CDH13: variants seen among roughly 807,000 people sequenced by gnomAD.
The protein encoded by CDH13 is cadherin 13, also known as cadherin-13.
A neutral mutation model predicts 63.8 loss-of-function variants in CDH13; 24 were observed. The ratio of observed to expected loss-of-function variants is 0.38; its 90% CI spans 0.27 to 0.53. The LOEUF (loss-of-function observed/expected upper bound fraction) is 0.53. Among genes scored for constraint, CDH13 ranks in the 20% least tolerant of loss-of-function variants. The pLI is 0.85. For missense variants in CDH13, 1,049 were observed against 903.1 expected (o/e 1.16, Z -2.07); for synonymous variants, 503 against 355.3 (o/e 1.42, Z -4.67).
chr16:83,647,385 G>T (rs376222650), intron 8 of CDH13, among the ~76,000 whole-genome samples: 1 of 151,798 alleles, frequency 6.6e-6, no homozygotes, highest in Non-Finnish European at 1.5e-5. Context: ...TGTTGCTCAC[G>T]GGTGACCCCA....
At chr16:82,784,799 A>C (rs182974255) in intron 1 of CDH13, among the ~76,000 whole-genome samples, 31 of 152,330 alleles carry the variant, frequency 2.0e-4, no homozygotes, top group African/African-American at 7.5e-4. Flanking sequence ...GCAGATGCAC[A>C]GCAGGGTGGC....
intron 8 of CDH13, among the ~76,000 whole-genome samples, chr16:83,650,335 C>A (rs970605955): frequency 6.6e-6 from 1 of 152,018 alleles, no homozygotes; most frequent in African/African-American, 2.4e-5. Context: ...TTGGTTTTAC[C>A]CTTGAATGTT....
intron 2 of CDH13, among the ~76,000 whole-genome samples, chr16:83,030,640 T>TAAAAAAAAAAAA (rs35207887): frequency 1.1e-5 from 1 of 92,916 alleles, no homozygotes; most frequent in Non-Finnish European, 2.0e-5. Flanking sequence ...AAGACTCTGT[T>TAAAAAAAAAAAA]AAAAAAAAAA....
chr16:83,526,611 T>C (rs1340769325), intron 7 of CDH13, among the ~76,000 whole-genome samples: 1 of 152,118 alleles, frequency 6.6e-6, no homozygotes, highest in Non-Finnish European at 1.5e-5. Flanking sequence ...GTGGCCCAAT[T>C]CCTAACAGCG....
intron 1 of CDH13, among the ~76,000 whole-genome samples, chr16:82,838,059 C>G (rs1054278426): frequency 1.3e-5 from 2 of 152,186 alleles, no homozygotes; most frequent in African/African-American, 4.8e-5. Flanking sequence ...TGACATTCCT[C>G]CCATCACCCC....
intron 11 of CDH13, among the ~76,000 whole-genome samples, chr16:83,758,488 C>G (rs2150984035): frequency 6.6e-6 from 1 of 152,172 alleles, no homozygotes; most frequent in Non-Finnish European, 1.5e-5. Flanking sequence ...GGAGCTGCTG[C>G]TACAGCAAAC....
intron 1 of CDH13, among the ~76,000 whole-genome samples, chr16:82,782,453 G>A (rs2035801143): frequency 6.6e-6 from 1 of 151,896 alleles, no homozygotes; most frequent in African/African-American, 2.4e-5. Flanking sequence ...TGGGGAGGCT[G>A]AGGCAGGAGA....
intron 5 of CDH13, among the ~76,000 whole-genome samples, chr16:83,245,985 C>T (rs1337538564): frequency 6.6e-6 from 1 of 152,232 alleles, no homozygotes; most frequent in Non-Finnish European, 1.5e-5. Context: ...TATCCACCTG[C>T]CTTGGCCTCC....
At chr16:82,639,409 A>T in intron 1 of CDH13, 1 of 1,535,608 alleles carries the variant, frequency 6.5e-7, no homozygotes, top group South Asian at 1.2e-5. Context: ...AGAACATCCC[A>T]GTGAGAATGG....
At chr16:83,069,474 A>G (rs2032277261) in intron 3 of CDH13, among the ~76,000 whole-genome samples, 1 of 152,134 alleles carries the variant, frequency 6.6e-6, no homozygotes, top group Admixed American at 6.6e-5. Flanking sequence ...AGCCCCCCCT[A>G]AGGTAGAAAT....
intron 5 of CDH13, among the ~76,000 whole-genome samples, chr16:83,297,006 G>A (rs1015563069): frequency 6.6e-6 from 1 of 152,136 alleles, no homozygotes; most frequent in African/African-American, 2.4e-5. Flanking sequence ...TTGGGAAATC[G>A]CTCTGAAGAA....
At chr16:83,506,128 A>C (rs151064890) in intron 7 of CDH13, among the ~76,000 whole-genome samples, 2 of 152,326 alleles carry the variant, frequency 1.3e-5, no homozygotes, top group East Asian at 3.9e-4. Flanking sequence ...TTCCAGTCCA[A>C]GGGAGACCAT....
chr16:83,119,952 C>T (rs769900092), intron 3 of CDH13, among the ~76,000 whole-genome samples: 19 of 152,182 alleles, frequency 1.2e-4, no homozygotes, highest in Non-Finnish European at 2.2e-4. Context: ...GGCCCAGAAA[C>T]GCAGAGCCAT....
At chr16:83,010,395 C>T (rs186209481) in intron 2 of CDH13, among the ~76,000 whole-genome samples, 6 of 152,230 alleles carry the variant, frequency 3.9e-5, no homozygotes, top group Non-Finnish European at 8.8e-5. Flanking sequence ...AGATGCACGA[C>T]TGTCAGAAAT....
intron 7 of CDH13, among the ~76,000 whole-genome samples, chr16:83,505,050 G>A (rs1306484775): frequency 6.6e-6 from 1 of 152,150 alleles, no homozygotes; most frequent in Admixed American, 6.5e-5. Context: ...TCAGCCAGCT[G>A]TGGCACCACC....
At chr16:82,813,579 T>C (rs1313089796) in intron 1 of CDH13, among the ~76,000 whole-genome samples, 1 of 152,130 alleles carries the variant, frequency 6.6e-6, no homozygotes, top group Non-Finnish European at 1.5e-5. Flanking sequence ...AAAGGTAGTG[T>C]CTTCCCGGAG....
intron 11 of CDH13, among the ~76,000 whole-genome samples, chr16:83,761,394 T>C (rs2150986968): frequency 6.6e-6 from 1 of 152,348 alleles, no homozygotes; most frequent in African/African-American, 2.4e-5. Context: ...TACATTTCAC[T>C]GAGTTTAGTT....
Position 83,142,834 on chromosome 16 carries a change from G to A in CDH13, c.483+17333G>A, listed in dbSNP as rs556203399. ...AAAGAGTAAAGGGGCCGGGCGCAGT[G>A]GCTTATACCTGGAATCCCAGCCCTT... is the stretch of plus-strand genomic sequence containing the variant. On this transcript the variant is annotated intron_variant, in intron 4 of 13. Coordinates refer to ENST00000567109, the MANE Select transcript of CDH13 (RefSeq NM_001257.5). 4.5e-4 allele frequency among the ~76,000 whole-genome samples: 69 copies of A among 152,284 alleles called. 1 individual carries two copies. In the South Asian group the frequency reaches 0.013, roughly 29 times the overall value.
chr16:82,661,251 C>T (rs1043871829), intron 1 of CDH13, among the ~76,000 whole-genome samples: 1 of 152,222 alleles, frequency 6.6e-6, no homozygotes, highest in African/African-American at 2.4e-5. Context: ...TGAGGACACA[C>T]GCTCTGTCCA....
Sources: gnomAD v4.1 joint callset for allele counts (sites outside exome capture counted in the v4.1 genomes callset) on GRCh38, gnomAD v4.1.1 for gene constraint, MANE v1.5 for transcripts, NCBI Gene and HGNC (gene_info 2026-07-23, HGNC 2026-07-21) for gene names.